The following ZC3H18 variants were observed in gnomAD, a reference collection of about 807,000 sequenced individuals.
ZC3H18 encodes zinc finger CCCH domain-containing protein 18.
Under a neutral mutation model 106.1 loss-of-function variants are expected in ZC3H18, and 8 were observed. The observed-to-expected ratio is 0.08, with a 90% CI of 0.04 to 0.14. ZC3H18 has a LOEUF of 0.14. Among genes scored for constraint, ZC3H18 ranks in the 10% least tolerant of loss-of-function variants. The probability of loss-of-function intolerance (pLI) is 1.00; values close to 1 mark genes in which losing one functional copy is unlikely to be tolerated. For missense variants in ZC3H18, 1,318 were observed against 1,278.4 expected, an observed-to-expected ratio of 1.03 and a Z score of -0.47; for synonymous variants, 635 against 522.1, an observed-to-expected ratio of 1.22 and a Z score of -2.95.
chr16:88,623,095 G>T, intron 9 of ZC3H18, 124 bp from the exon 10 acceptor site: 2 of 1,387,062 alleles, frequency 1.4e-6, no homozygotes, highest in Non-Finnish European at 9.7e-7. Flanking sequence ...GCGCGCGTGC[G>T]CAGCTGTGCG....
At chr16:88,578,982 C>T (rs1195939815) in intron 2 of ZC3H18, among the ~76,000 whole-genome samples, 1 of 152,198 alleles carries the variant, frequency 6.6e-6, no homozygotes, top group Admixed American at 6.5e-5. Flanking sequence ...GGCACCACGC[C>T]CGGCGGGTGC....
At chr16:88,592,978 A>C (rs917302158) in intron 3 of ZC3H18, among the ~76,000 whole-genome samples, 1 of 152,260 alleles carries the variant, frequency 6.6e-6, no homozygotes, top group Non-Finnish European at 1.5e-5. Flanking sequence ...GTACAGTTCC[A>C]TGATTATATA....
chr16:88,609,553 T>C (rs974983450), intron 7 of ZC3H18, among the ~76,000 whole-genome samples: 3 of 152,088 alleles, frequency 2.0e-5, no homozygotes, highest in Non-Finnish European at 4.4e-5. Context: ...CCGCCTGCTT[T>C]AGCCTCCCAG....
chr16:88,619,671 A>G (rs1905839122), intron 8 of ZC3H18, among the ~76,000 whole-genome samples: 3 of 152,154 alleles, frequency 2.0e-5, no homozygotes, highest in Admixed American at 6.5e-5. Context: ...TTTTATTTCC[A>G]TGCCGTGGCA....
intron 1 of ZC3H18, among the ~76,000 whole-genome samples, chr16:88,576,383 G>C (rs186556598): frequency 1.3e-5 from 2 of 152,164 alleles, no homozygotes; most frequent in African/African-American, 4.8e-5. Flanking sequence ...AGTGTGTCAA[G>C]TTTCCTGCCA....
intron 8 of ZC3H18, 50 bp from the exon 9 acceptor site, chr16:88,622,147 C>T (rs1173295768): frequency 6.4e-7 from 1 of 1,563,546 alleles, no homozygotes; most frequent in South Asian, 1.2e-5. Flanking sequence ...CCTGGCATTG[C>T]TGTGAAGCGG....
At chr16:88,592,196 T>C (rs1245979471) in intron 3 of ZC3H18, among the ~76,000 whole-genome samples, 5 of 152,230 alleles carry the variant, frequency 3.3e-5, no homozygotes, top group Admixed American at 3.3e-4. Context: ...TCTCTGTTTT[T>C]TTTTGATAGT....
intron 2 of ZC3H18, among the ~76,000 whole-genome samples, chr16:88,582,356 C>T (rs1915189000): frequency 6.7e-6 from 1 of 149,110 alleles, no homozygotes; most frequent in South Asian, 2.1e-4. Flanking sequence ...TCCCGATTAG[C>T]TGGGATTACA....
chr16:88,601,624 C>T (rs1904754722), intron 6 of ZC3H18, among the ~76,000 whole-genome samples: 1 of 151,154 alleles, frequency 6.6e-6, no homozygotes, highest in African/African-American at 2.4e-5. Context: ...CCTAGCTTCT[C>T]TCCCAGGAGC....
chr16:88,600,049 AC>A, intron 6 of ZC3H18, 101 bp downstream of exon 6: 1 of 1,395,874 alleles, frequency 7.2e-7, no homozygotes, highest in Non-Finnish European at 9.8e-7. Flanking sequence ...CTCGGCTGAG[AC>A]CCAGCCCCAC....
At chr16:88,584,128 A>G (rs886709467) in intron 2 of ZC3H18, among the ~76,000 whole-genome samples, 2 of 152,196 alleles carry the variant, frequency 1.3e-5, no homozygotes, top group Non-Finnish European at 2.9e-5. Flanking sequence ...AAGAATAAAA[A>G]TTGGGCACGG....
At chr16:88,591,750 G>T (rs191438174) in intron 3 of ZC3H18, among the ~76,000 whole-genome samples, 6 of 152,374 alleles carry the variant, frequency 3.9e-5, no homozygotes, top group Non-Finnish European at 7.3e-5. Flanking sequence ...TTTCGCATGT[G>T]CCTGGCAGTG....
In ZC3H18 at chr16:88,577,205, A is replaced by G. The variant is rs1914807700; in HGVS notation, c.82A>G (p.Ile28Val). Residue 28 changes from isoleucine to valine, a missense_variant, in exon 2 of 18, where the codon ATT (isoleucine) becomes GTT (valine). Transcript: ENST00000301011. ...EQPQGLSDDD[I>V]LRDSGSDQDL... is the part of the protein sequence containing the mutation. Reference sequence around the variant, plus strand: ...GCCACAGGGACTCTCGGACGATGACATTCTGAGGGACAGCGGGTCCGATCA... The same window carrying G: ...GCCACAGGGACTCTCGGACGATGACGTTCTGAGGGACAGCGGGTCCGATCA... The G allele has an allele frequency of 6.2e-7, 1 of 1,612,650 alleles. No homozygotes were observed. The highest frequency in any genetic ancestry group is 8.5e-7 in the Non-Finnish European group (1 of 1,179,296).
intron 3 of ZC3H18, among the ~76,000 whole-genome samples, chr16:88,597,646 G>A (rs900504456): frequency 1.3e-5 from 2 of 152,192 alleles, no homozygotes; most frequent in African/African-American, 2.4e-5. Context: ...GTAAAAGCCC[G>A]TTTCAGTTCC....
At chr16:88,601,080 G>A (rs904261246) in intron 6 of ZC3H18, among the ~76,000 whole-genome samples, 5 of 152,234 alleles carry the variant, frequency 3.3e-5, no homozygotes, top group Admixed American at 1.3e-4. Context: ...CCTTCTTGCC[G>A]CGAGCAGGCT....
intron 2 of ZC3H18, among the ~76,000 whole-genome samples, chr16:88,585,208 G>A (rs1270746167): frequency 6.6e-6 from 1 of 152,184 alleles, no homozygotes; most frequent in South Asian, 2.1e-4. Context: ...TTACTTAAGG[G>A]ATATAACTCT....
In ZC3H18 at chr16:88,627,462, T is replaced by A; in HGVS notation, c.2109-160T>A. 1.0e-6 allele frequency: 1 copy of A among 987,742 alleles called. No individual in the cohort carries two copies. 61.2% of individuals were successfully genotyped at this position (987,742 alleles called of 1,614,324 possible). A position where few individuals can be genotyped will look rare whatever the true frequency, so the allele number is the denominator to read the frequency against. Reference sequence around the variant, plus strand: ...GCCTAGCCATGGGGACGTCCCTTACTTTGTAACCCTGAAACTGCCCAGTGT... The same window carrying A: ...GCCTAGCCATGGGGACGTCCCTTACATTGTAACCCTGAAACTGCCCAGTGT... On this transcript the variant is annotated intron_variant, in intron 13 of 17. Transcript: ENST00000301011. The surrounding 1 kb of genome is among the most constrained non-coding windows in gnomAD (Gnocchi z 4.5).
At chr16:88,571,736 A>T in intron 1 of ZC3H18, 1 of 955,230 alleles carries the variant, frequency 1.0e-6, no homozygotes, top group Non-Finnish European at 1.2e-6. Flanking sequence ...GCTACAGAGC[A>T]TCTCAAGGTG....
At chr16:88,583,063 G>C (rs918153859) in intron 2 of ZC3H18, among the ~76,000 whole-genome samples, 1 of 152,358 alleles carries the variant, frequency 6.6e-6, no homozygotes, top group East Asian at 1.9e-4. Flanking sequence ...TGGTTGGCCT[G>C]AGTGGCCGTG....
Sources: allele counts gnomAD v4.1 joint callset (sites outside exome capture counted in the v4.1 genomes callset), GRCh38; gene constraint gnomAD v4.1.1; non-coding constraint Gnocchi (gnomAD v3.1); transcripts MANE v1.5; gene names NCBI Gene and HGNC (gene_info 2026-07-23, HGNC 2026-07-21).